The following ADGRB3 variants were observed in gnomAD, a reference collection of about 807,000 sequenced individuals.
The protein encoded by ADGRB3 is brain-specific angiogenesis inhibitor 3.
A neutral mutation model predicts 193.4 loss-of-function variants in ADGRB3; 37 were observed. That is an observed-to-expected ratio of 0.19 (90% CI 0.15 to 0.25). ADGRB3 has a LOEUF of 0.25. ADGRB3 is among the 10% of genes least tolerant of loss of function. ADGRB3 has a pLI of 1.00. For synonymous variants in ADGRB3, 690 were observed against 644.2 expected (o/e 1.07, Z -1.08); for missense variants, 1,637 against 1,852.9 (o/e 0.88, Z 2.14).
At chr6:69,200,520 G>T (rs1480892024) in intron 17 of ADGRB3, among the ~76,000 whole-genome samples, 1 of 152,144 alleles carries the variant, frequency 6.6e-6, no homozygotes, top group Non-Finnish European at 1.5e-5. Flanking sequence ...AATGGTGAGT[G>T]TCAAAGTCTG....
rs1443019738 is a variant in ADGRB3 at position 69,324,965 on chromosome 6, G to A, written c.2908G>A (p.Val970Ile). The A allele has an allele frequency of 1.3e-5, 21 of 1,613,916 alleles. No individual in the cohort carries two copies. Among genetic ancestry groups the A allele is most frequent in the Non-Finnish European group, 1.8e-5 (21 of 1,179,900 alleles). ...TGAGGCGTGGCAATCATATATGGCT[G>A]TAACTGGAAAAATTAGGACACGGCT... ...LTEAWQSYMA[V>I]TGKIRTRLIR... The change falls in exon 21 of 32, where the codon GTA becomes ATA. Residue 970 changes from valine (V) to isoleucine (I), a missense_variant. By Grantham distance (29) the Val-to-Ile change is conservative. Transcript: ENST00000370598.
At chr6:69,150,235 C>T (rs1774634034) in intron 17 of ADGRB3, among the ~76,000 whole-genome samples, 1 of 152,090 alleles carries the variant, frequency 6.6e-6, no homozygotes, top group African/African-American at 2.4e-5. Context: ...GAGATGTCAT[C>T]AAGGAGCCAG....
intron 15 of ADGRB3, among the ~76,000 whole-genome samples, chr6:69,059,743 C>T (rs914084875): frequency 5.3e-5 from 8 of 152,042 alleles, no homozygotes; most frequent in Non-Finnish European, 1.2e-4. Flanking sequence ...CAATTTTGTA[C>T]ACTATACACT....
chr6:68,812,817 C>T (rs1767540346), intron 3 of ADGRB3, among the ~76,000 whole-genome samples: 1 of 151,584 alleles, frequency 6.6e-6, no homozygotes, highest in East Asian at 1.9e-4. Context: ...AATGCTATCC[C>T]TCCCCTAGCC....
At chr6:69,279,138 G>T (rs77265197) in intron 20 of ADGRB3, among the ~76,000 whole-genome samples, 11,436 of 132,380 alleles carry the variant, frequency 0.086, 611 homozygotes, top group Middle Eastern at 0.26. Flanking sequence ...AACTTATGAT[G>T]GGGTGATGTC....
chr6:68,649,827 T>C (rs1768307107), intron 3 of ADGRB3, among the ~76,000 whole-genome samples: 2 of 152,276 alleles, frequency 1.3e-5, no homozygotes, highest in African/African-American at 4.8e-5. Flanking sequence ...GTGGGTTGGC[T>C]GCATGCCCCT....
intron 3 of ADGRB3, among the ~76,000 whole-genome samples, chr6:68,776,329 T>C (rs1261936371): frequency 6.6e-6 from 1 of 152,148 alleles, no homozygotes; most frequent in African/African-American, 2.4e-5. Context: ...CGTAGACAAC[T>C]GTGGTGGGGT....
chr6:68,974,743 C>T lies in ADGRB3; in HGVS notation c.1526-20C>T, dbSNP rs1562106870. 6 of 1,608,384 alleles carry T rather than the reference C, an allele frequency of 3.7e-6. No individual in the cohort carries two copies. Among genetic ancestry groups the T allele is most frequent in the Non-Finnish European group, 4.3e-6 (5 of 1,175,408 alleles). ...TTTTAAACACTACTGACATTCAAGT[C>T]CCTTTGTTTAAAATTGCAGCACCTT... On this transcript the variant is annotated intron_variant, in intron 8 of 31. Coordinates refer to ENST00000370598, the MANE Select transcript of ADGRB3 (RefSeq NM_001704.3).
chr6:69,044,034 C>T (rs541880571), intron 13 of ADGRB3, among the ~76,000 whole-genome samples: 39 of 152,084 alleles, frequency 2.6e-4, no homozygotes, highest in African/African-American at 9.4e-4. Context: ...GAGCGAGACT[C>T]CGTCTCAAAA....
chr6:68,901,710 G>A (rs992794875), intron 3 of ADGRB3, among the ~76,000 whole-genome samples: 16 of 152,054 alleles, frequency 1.1e-4, no homozygotes, highest in African/African-American at 3.9e-4. Flanking sequence ...CCTTAAAATA[G>A]CTATATATAC....
chr6:69,190,275 A>T (rs925672299), intron 17 of ADGRB3, among the ~76,000 whole-genome samples: 4 of 152,124 alleles, frequency 2.6e-5, no homozygotes, highest in Non-Finnish European at 5.9e-5. Context: ...AAGACCTTCT[A>T]GTGAGACAAG....
chr6:69,279,567 A>G (rs544917752), intron 20 of ADGRB3, among the ~76,000 whole-genome samples: 1 of 152,182 alleles, frequency 6.6e-6, no homozygotes, highest in South Asian at 2.1e-4. Context: ...CTGTAATTAT[A>G]CATATATATA....
chr6:69,241,048 G>T (rs1766374069), intron 20 of ADGRB3, among the ~76,000 whole-genome samples: 4 of 151,812 alleles, frequency 2.6e-5, no homozygotes, highest in Admixed American at 1.3e-4. Flanking sequence ...TAGGAAAACT[G>T]CATGATCCAC....
At chr6:68,671,743 T>A (rs1404812839) in intron 3 of ADGRB3, among the ~76,000 whole-genome samples, 1 of 152,010 alleles carries the variant, frequency 6.6e-6, no homozygotes, top group Non-Finnish European at 1.5e-5. Flanking sequence ...TGATGCGTCT[T>A]TGTCTGATTT....
At chr6:68,814,534 C>A (rs1767587057) in intron 3 of ADGRB3, among the ~76,000 whole-genome samples, 1 of 152,108 alleles carries the variant, frequency 6.6e-6, no homozygotes, top group Admixed American at 6.5e-5. Flanking sequence ...TTTTGCTGTG[C>A]AGAAGCTCTT....
intron 17 of ADGRB3, among the ~76,000 whole-genome samples, chr6:69,131,358 G>A (rs1052478980): frequency 6.6e-6 from 1 of 151,982 alleles, no homozygotes; most frequent in Non-Finnish European, 1.5e-5. Flanking sequence ...ATTTCAATGA[G>A]TACAGTTTCT....
At chr6:68,903,602 A>G (rs1766457705) in intron 3 of ADGRB3, among the ~76,000 whole-genome samples, 1 of 152,148 alleles carries the variant, frequency 6.6e-6, no homozygotes, top group African/African-American at 2.4e-5. Flanking sequence ...TATAATGCTT[A>G]TAATATCTGT....
chr6:68,843,330 G>T (rs1768201706), intron 3 of ADGRB3, among the ~76,000 whole-genome samples: 1 of 151,930 alleles, frequency 6.6e-6, no homozygotes. Context: ...TAGTAAAGTT[G>T]CAGGATACAA....
intron 17 of ADGRB3, among the ~76,000 whole-genome samples, chr6:69,190,727 A>C (rs201137469): frequency 6.6e-6 from 1 of 152,156 alleles, no homozygotes; most frequent in African/African-American, 2.4e-5. Context: ...CAAAAGAGCA[A>C]CTTCCAGTCC....
Sources: allele counts gnomAD v4.1 joint callset (sites outside exome capture counted in the v4.1 genomes callset), GRCh38; gene constraint gnomAD v4.1.1; transcripts MANE v1.5; gene names NCBI Gene and HGNC (gene_info 2026-07-23, HGNC 2026-07-21).